The following CDYL2 variants were observed in gnomAD, a reference collection of about 807,000 sequenced individuals.
CDYL2 encodes chromodomain Y like 2, also known as chromodomain Y-like protein 2.
A neutral mutation model predicts 49.4 loss-of-function variants in CDYL2; 23 were observed. That is an observed-to-expected ratio of 0.47 (90% confidence interval 0.34 to 0.66). The LOEUF (loss-of-function observed/expected upper bound fraction) is 0.66. Among genes scored for constraint, CDYL2 ranks in the 30% least tolerant of loss-of-function variants. The pLI, the probability that CDYL2 is intolerant of heterozygous loss-of-function variation, is 0.01. For missense variants in CDYL2, 678 were observed against 656.4 expected (o/e 1.03, Z -0.36); for synonymous variants, 360 against 268.8 (o/e 1.34, Z -3.32).
In CDYL2 at chr16:80,604,367, G is replaced by C. The variant is rs199917237; in HGVS notation, c.*21C>G. The C allele has an allele frequency of 2.7e-4, 441 of 1,613,446 alleles. 2 individuals carry two copies. In the East Asian group the frequency reaches 9.5e-3, roughly 35 times the overall value. On this transcript the variant is annotated 3_prime_UTR_variant, in exon 7 of 7. Coordinates refer to ENST00000570137, the MANE Select transcript of CDYL2 (RefSeq NM_152342.4). Reference sequence around the variant, plus strand: ...AACACAGGGCAGAGCTGGAAGTTGGGGGCCCGTGAGCTGGGGCCCCTCAGA... The same window carrying C: ...AACACAGGGCAGAGCTGGAAGTTGGCGGCCCGTGAGCTGGGGCCCCTCAGA...
chr16:80,640,288 C>G (rs1302462557), intron 2 of CDYL2, among the ~76,000 whole-genome samples: 1 of 152,114 alleles, frequency 6.6e-6, no homozygotes, highest in East Asian at 1.9e-4. Flanking sequence ...TCAGTCACAG[C>G]AGGATGGGGC....
chr16:80,695,235 A>G (rs1336923678), intron 1 of CDYL2, among the ~76,000 whole-genome samples: 1 of 152,260 alleles, frequency 6.6e-6, no homozygotes, highest in African/African-American at 2.4e-5. Flanking sequence ...GTTGTCACAC[A>G]GAGTGTTCAG....
At chr16:80,798,896 A>G (rs1907844031) in intron 1 of CDYL2, among the ~76,000 whole-genome samples, 1 of 152,330 alleles carries the variant, frequency 6.6e-6, no homozygotes, top group East Asian at 1.9e-4. Context: ...TAGATGTCCG[A>G]TAACAGGGGA....
intron 5 of CDYL2, among the ~76,000 whole-genome samples, chr16:80,610,296 G>A (rs1208024837): frequency 2.0e-5 from 3 of 152,316 alleles, no homozygotes; most frequent in African/African-American, 7.2e-5. Context: ...CCTTCCACAG[G>A]TGCTTGCCTA....
chr16:80,676,475 G>A (rs1221250169), intron 2 of CDYL2, among the ~76,000 whole-genome samples: 5 of 152,150 alleles, frequency 3.3e-5, no homozygotes, highest in Non-Finnish European at 5.9e-5. Flanking sequence ...TGGGGCCACT[G>A]CCGATGACAG....
intron 2 of CDYL2, among the ~76,000 whole-genome samples, chr16:80,640,085 C>T (rs1051802614): frequency 1.8e-4 from 27 of 152,224 alleles, no homozygotes; most frequent in Non-Finnish European, 3.7e-4. Flanking sequence ...CCGCAATGGG[C>T]CCAGAGCCAG....
intron 2 of CDYL2, among the ~76,000 whole-genome samples, chr16:80,648,720 C>G (rs558982015): frequency 1.1e-3 from 169 of 151,532 alleles, no homozygotes; most frequent in Middle Eastern, 3.4e-3. Context: ...TACTGGCCAG[C>G]ATCTCTCACG....
intron 1 of CDYL2, among the ~76,000 whole-genome samples, chr16:80,786,653 A>G (rs1907445360): frequency 6.6e-6 from 1 of 152,196 alleles, no homozygotes; most frequent in South Asian, 2.1e-4. Context: ...TACAATAGCA[A>G]AGACTTGGAA....
chr16:80,668,313 C>G (rs2142446264), intron 2 of CDYL2, among the ~76,000 whole-genome samples: 1 of 152,226 alleles, frequency 6.6e-6, no homozygotes, highest in South Asian at 2.1e-4. Context: ...CCTTGGCTAA[C>G]AGATAAATAA....
chr16:80,717,270 A>T (rs940945070), intron 1 of CDYL2, among the ~76,000 whole-genome samples: 1 of 152,180 alleles, frequency 6.6e-6, no homozygotes, highest in East Asian at 1.9e-4. Context: ...CACCTTCAGG[A>T]GCTACCCAGA....
In CDYL2 at chr16:80,600,825, G is replaced by A. The variant is rs907539545; in HGVS notation, c.*3563C>T. ...AAAATTTTTAAAACCAAAAATTAATGGGAAATGCAATTCAGCATTCAGTGA... is the reference window on the plus strand; with the variant it reads ...AAAATTTTTAAAACCAAAAATTAATAGGAAATGCAATTCAGCATTCAGTGA... On this transcript the variant is annotated 3_prime_UTR_variant, in exon 7 of 7. Transcript: ENST00000570137. 2.0e-5 allele frequency: 3 copies of A among 152,062 alleles called. No individual in the cohort carries two copies. The highest frequency in any genetic ancestry group is 2.9e-5 in the Non-Finnish European group (2 of 68,014). 9.4% of individuals were successfully genotyped at this position (152,062 alleles called of 1,614,324 possible).
At chr16:80,688,395 TC>T (rs1434330876) in intron 1 of CDYL2, among the ~76,000 whole-genome samples, 1 of 152,052 alleles carries the variant, frequency 6.6e-6, no homozygotes, top group African/African-American at 2.4e-5. Context: ...GGCCTTGGTG[TC>T]CCCATCGGTA....
intron 2 of CDYL2, among the ~76,000 whole-genome samples, chr16:80,640,185 C>T (rs755985175): frequency 6.6e-6 from 1 of 152,284 alleles, no homozygotes; most frequent in Non-Finnish European, 1.5e-5. Flanking sequence ...CCAGACTGCA[C>T]ACCTCAAGTA....
intron 1 of CDYL2, among the ~76,000 whole-genome samples, chr16:80,687,518 G>A (rs902691734): frequency 6.6e-6 from 1 of 151,880 alleles, no homozygotes; most frequent in Non-Finnish European, 1.5e-5. Context: ...GGATGTATGG[G>A]TGACTAGATG....
At chr16:80,677,740 AAAAAATAAAAAT>A (rs1289052111) in intron 2 of CDYL2, among the ~76,000 whole-genome samples, 2 of 147,506 alleles carry the variant, frequency 1.4e-5, no homozygotes, top group African/African-American at 4.9e-5. Context: ...CTCCATCTCA[AAAAAATAAAAAT>A]AAAAATAAAA....
At chr16:80,635,151 T>A (rs1907759646) in intron 2 of CDYL2, among the ~76,000 whole-genome samples, 1 of 152,206 alleles carries the variant, frequency 6.6e-6, no homozygotes, top group African/African-American at 2.4e-5. Flanking sequence ...GGTTCAATAT[T>A]TGGAAACCAA....
chr16:80,646,830 A>T (rs1254616839), intron 2 of CDYL2, among the ~76,000 whole-genome samples: 3 of 151,982 alleles, frequency 2.0e-5, no homozygotes, highest in Non-Finnish European at 4.4e-5. Flanking sequence ...CAAACAAAAA[A>T]ACAAGACCCA....
intron 1 of CDYL2, among the ~76,000 whole-genome samples, chr16:80,721,012 G>A (rs534753924): frequency 8.6e-5 from 13 of 152,036 alleles, no homozygotes; most frequent in Non-Finnish European, 1.5e-4. Context: ...AGCTCATCCT[G>A]GAGAGACCCT....
chr16:80,653,598 G>A (rs1028172254), intron 2 of CDYL2, among the ~76,000 whole-genome samples: 6 of 151,928 alleles, frequency 3.9e-5, no homozygotes, highest in Admixed American at 3.3e-4. Context: ...ATATTTAAGG[G>A]TACATGAGAC....
Sources: gnomAD v4.1 joint callset for allele counts (sites outside exome capture counted in the v4.1 genomes callset) on GRCh38, gnomAD v4.1.1 for gene constraint, MANE v1.5 for transcripts, NCBI Gene and HGNC (gene_info 2026-07-23, HGNC 2026-07-21) for gene names.